EYS: variants seen among roughly 807,000 people sequenced by gnomAD.
The protein encoded by EYS is protein eyes shut homolog.
A neutral mutation model predicts 282.1 loss-of-function variants in EYS; 250 were observed. The ratio of observed to expected loss-of-function variants is 0.89; its 90% CI spans 0.80 to 0.98. The LOEUF is 0.98. EYS is among the 50% of genes least tolerant of loss of function. EYS has a pLI of 0.00. For missense variants in EYS, 4,016 were observed against 3,709.0 expected (o/e 1.08, Z -2.15); for synonymous variants, 1,355 against 1,282.9 (o/e 1.06, Z -1.20).
intron 5 of EYS, among the ~76,000 whole-genome samples, chr6:65,459,000 G>C (rs1276066702): frequency 6.6e-6 from 1 of 151,998 alleles, no homozygotes; most frequent in South Asian, 2.1e-4. Flanking sequence ...TAATTAAAAA[G>C]TATAGAATTT....
intron 19 of EYS, among the ~76,000 whole-genome samples, chr6:64,843,735 TA>T (rs2150036581): frequency 6.6e-6 from 1 of 152,252 alleles, no homozygotes; most frequent in East Asian, 1.9e-4. Flanking sequence ...ACTTCTGGGT[TA>T]ATGCTGAAAT....
At chr6:65,704,983 C>T (rs1769823126) in intron 1 of EYS, among the ~76,000 whole-genome samples, 2 of 152,086 alleles carry the variant, frequency 1.3e-5, no homozygotes, top group African/African-American at 4.8e-5. Flanking sequence ...AATAGAATTT[C>T]CTCTGGGAAC....
chr6:65,588,681 G>A (rs1368308031), intron 2 of EYS, among the ~76,000 whole-genome samples: 1 of 152,000 alleles, frequency 6.6e-6, no homozygotes, highest in Non-Finnish European at 1.5e-5. Flanking sequence ...AAAGGGATGG[G>A]CTCCTCTGGG....
chr6:64,330,912 G>A (rs1391836448), intron 29 of EYS, among the ~76,000 whole-genome samples: 2 of 152,186 alleles, frequency 1.3e-5, no homozygotes, highest in Non-Finnish European at 2.9e-5. Flanking sequence ...GTGTGGCCCA[G>A]GGTATCACTG....
chr6:65,261,902 T>C (rs1012111327), intron 12 of EYS, among the ~76,000 whole-genome samples: 4 of 151,866 alleles, frequency 2.6e-5, no homozygotes, highest in African/African-American at 7.2e-5. Flanking sequence ...ACGATATTAT[T>C]TGAAGAATTT....
intron 13 of EYS, among the ~76,000 whole-genome samples, chr6:65,013,462 G>A (rs931099138): frequency 6.6e-6 from 1 of 152,146 alleles, no homozygotes; most frequent in African/African-American, 2.4e-5. Context: ...GTAAATCGGT[G>A]CAATAAGTGG....
intron 18 of EYS, among the ~76,000 whole-genome samples, chr6:64,890,890 A>T (rs1293322721): frequency 6.6e-6 from 1 of 152,086 alleles, no homozygotes; most frequent in Admixed American, 6.6e-5. Context: ...CTACTTCAAT[A>T]ACCTCTCTTT....
At chr6:64,798,926 AT>A (rs1422890680) in intron 22 of EYS, among the ~76,000 whole-genome samples, 1 of 151,878 alleles carries the variant, frequency 6.6e-6, no homozygotes, top group African/African-American at 2.4e-5. Flanking sequence ...GTCTTCTCCC[AT>A]TATACTGCTT....
intron 35 of EYS, among the ~76,000 whole-genome samples, chr6:63,963,650 A>AT (rs570522624): frequency 4.6e-4 from 70 of 152,020 alleles, no homozygotes; most frequent in Non-Finnish European, 8.4e-4. Context: ...ATGGGTTTTC[A>AT]TTTTTTTTCA....
intron 14 of EYS, among the ~76,000 whole-genome samples, chr6:64,965,409 G>A (rs752696490): frequency 1.1e-4 from 16 of 151,652 alleles, no homozygotes; most frequent in Non-Finnish European, 1.9e-4. Context: ...CAATGTAAAT[G>A]TATATATATT....
At position 64,626,071 on chromosome 6, in the gene EYS, C is replaced by A. The variant is rs564533277; in HGVS notation, c.3568+50G>T. ...ACATGTCCATATACATTTACATAAA[C>A]GTATATATTATTATATATGCAGTAT... is the stretch of plus-strand genomic sequence containing the variant. On this transcript the variant is annotated intron_variant, in intron 23 of 42. Transcript: ENST00000503581. The A allele has an allele frequency of 1.7e-4, 181 of 1,054,634 alleles. No individual in the cohort carries two copies. The Middle Eastern group carries it at 3.0e-3, about 17-fold the overall frequency. The allele number at this position is 1,054,634 out of a possible 1,614,324, so 65.3% of individuals were successfully genotyped here.
intron 1 of EYS, among the ~76,000 whole-genome samples, chr6:65,643,669 G>A (rs1376923622): frequency 2.0e-5 from 3 of 152,096 alleles, no homozygotes; most frequent in South Asian, 2.1e-4. Flanking sequence ...GACCCTCACA[G>A]AGTCCACCTC....
chr6:65,364,742 A>C (rs967781192), intron 8 of EYS, among the ~76,000 whole-genome samples: 3 of 151,722 alleles, frequency 2.0e-5, no homozygotes, highest in Non-Finnish European at 4.4e-5. Context: ...AGCTCTCAAC[A>C]TCTTTACTTA....
intron 5 of EYS, among the ~76,000 whole-genome samples, chr6:65,406,391 A>G (rs377615100): frequency 3.3e-4 from 50 of 152,150 alleles, no homozygotes; most frequent in African/African-American, 1.1e-3. Flanking sequence ...GGATAGCAAA[A>G]GTTTTTATTT....
intron 33 of EYS, among the ~76,000 whole-genome samples, chr6:64,045,418 TTTTATTTTATTTTATTTTA>T (rs1210217926): frequency 2.0e-5 from 3 of 148,008 alleles, no homozygotes; most frequent in African/African-American, 7.4e-5. Context: ...TTTTATTTTA[TTTTATTTTATTTTATTTTA>T]TTTATTTTAT....
At chr6:65,252,641 G>A (rs1001022489) in intron 12 of EYS, among the ~76,000 whole-genome samples, 5 of 151,940 alleles carry the variant, frequency 3.3e-5, no homozygotes, top group African/African-American at 1.2e-4. Context: ...AGATGCCCAT[G>A]TTTAAATGTC....
chr6:64,652,964 G>C (rs1269831251), intron 22 of EYS, among the ~76,000 whole-genome samples: 3 of 152,166 alleles, frequency 2.0e-5, no homozygotes, highest in Admixed American at 6.5e-5. Flanking sequence ...GTTGAATTCT[G>C]TCTCTCAGAA....
chr6:64,161,409 G>T (rs1775102366), intron 31 of EYS, among the ~76,000 whole-genome samples: 1 of 152,158 alleles, frequency 6.6e-6, no homozygotes, highest in African/African-American at 2.4e-5. Flanking sequence ...CTGTCATGAG[G>T]TAATAAACAA....
chr6:64,253,701 C>A (rs1582489853), intron 30 of EYS, among the ~76,000 whole-genome samples: 1 of 152,078 alleles, frequency 6.6e-6, no homozygotes, highest in African/African-American at 2.4e-5. Context: ...CCAGCAGGAC[C>A]CTTGCTTCCT....
Sources: gnomAD v4.1 joint callset for allele counts (sites outside exome capture counted in the v4.1 genomes callset) on GRCh38, gnomAD v4.1.1 for gene constraint, MANE v1.5 for transcripts, NCBI Gene and HGNC (gene_info 2026-07-23, HGNC 2026-07-21) for gene names.